JAK1: variants seen among roughly 807,000 people sequenced by gnomAD.
JAK1 encodes tyrosine-protein kinase JAK1.
JAK1 carries 16 observed loss-of-function variants against 136.6 expected under a neutral mutation model. That is an observed-to-expected ratio of 0.12 (90% CI 0.08 to 0.18). JAK1 has a LOEUF of 0.18. JAK1 is among the 10% of genes least tolerant of loss of function. The pLI is 1.00. For missense variants in JAK1, 859 were observed against 1,450.1 expected (o/e 0.59, Z 6.62); for synonymous variants, 492 against 519.5 (o/e 0.95, Z 0.72).
intron 2 of JAK1, chr1:64,992,103 A>C (rs1470759900): frequency 6.6e-6 from 1 of 152,170 alleles, no homozygotes; most frequent in Non-Finnish European, 1.5e-5. Context: ...GATTGTGGCC[A>C]GGCGCATTGG....
intron 1 of JAK1, among the ~76,000 whole-genome samples, chr1:64,953,963 C>A (rs1165689859): frequency 6.6e-6 from 1 of 152,196 alleles, no homozygotes; most frequent in Non-Finnish European, 1.5e-5. Context: ...GCATGAGCGA[C>A]CGCACTCGGC....
At chr1:64,988,904 A>T (rs1646625183) in intron 2 of JAK1, among the ~76,000 whole-genome samples, 4 of 149,144 alleles carry the variant, frequency 2.7e-5, no homozygotes, top group Non-Finnish European at 6.0e-5. Context: ...AATAAAATTT[A>T]AAAATATATA....
chr1:64,923,433 T>G (rs1645530840), intron 1 of JAK1, among the ~76,000 whole-genome samples: 1 of 152,182 alleles, frequency 6.6e-6, no homozygotes, highest in African/African-American at 2.4e-5. Context: ...AAAATCACCC[T>G]TGGAACAGTT....
intron 1 of JAK1, among the ~76,000 whole-genome samples, chr1:64,907,624 C>T (rs1645212301): frequency 6.6e-6 from 1 of 152,038 alleles, no homozygotes; most frequent in Non-Finnish European, 1.5e-5. Flanking sequence ...ATAATATGTA[C>T]AACAAACATG....
chr1:64,834,336 CATT>C lies in JAK1; in HGVS notation c.*223_*225del. On this transcript the variant is annotated 3_prime_UTR_variant, in exon 25 of 25. Transcript: ENST00000342505. Reference sequence around the variant, plus strand: ...AAGTGCTTTCAAATATTTTGGTTGTCATTATGTGTCACTAAGTTACTGGTACCA... The same window carrying C: ...AAGTGCTTTCAAATATTTTGGTTGTCATGTGTCACTAAGTTACTGGTACCA... 5.3e-6 allele frequency: 2 copies of C among 378,184 alleles called. No homozygotes were observed. Among genetic ancestry groups the C allele is most frequent in the Admixed American group, 8.2e-5 (2 of 24,434 alleles). The allele number at this position is 378,184 out of a possible 1,614,324, so 23.4% of individuals were successfully genotyped here. A position where few individuals can be genotyped will look rare whatever the true frequency, so the allele number is the denominator to read the frequency against.
intron 2 of JAK1, among the ~76,000 whole-genome samples, chr1:65,040,199 G>C (rs1380520401): frequency 6.7e-6 from 1 of 149,922 alleles, no homozygotes; most frequent in African/African-American, 2.5e-5. Context: ...TGGGCAACTA[G>C]AGCAAGACCC....
intron 1 of JAK1, among the ~76,000 whole-genome samples, chr1:65,056,923 TAAAAA>T (rs57037539): frequency 3.4e-5 from 4 of 118,748 alleles, no homozygotes; most frequent in Admixed American, 2.8e-4. Context: ...ACTCTTTCTT[TAAAAA>T]AAAAAAAAAA....
chr1:65,060,678 T>C (rs1479550044), intron 1 of JAK1, among the ~76,000 whole-genome samples: 1 of 152,216 alleles, frequency 6.6e-6, no homozygotes, highest in Non-Finnish European at 1.5e-5. Flanking sequence ...TGTGAATGGT[T>C]ACTTAAATTA....
chr1:64,850,825 G>T lies in JAK1; in HGVS notation c.1734C>A (p.Ile578=). The T allele has an allele frequency of 6.2e-7, 1 of 1,613,956 alleles. No individual in the cohort carries two copies. The highest frequency in any genetic ancestry group is 2.2e-5 in the East Asian group (1 of 44,876). The change falls in exon 12 of 25, where the codon ATC becomes ATA. Residue 578 remains isoleucine (I), a synonymous_variant. Coordinates refer to ENST00000342505, the MANE Select transcript of JAK1 (RefSeq NM_002227.4). The part of the protein sequence containing the change: ...YPMSQLSFDR[I]LKKDLVQGEH... Reference sequence around the variant, plus strand: ...TCACCTGCACCAGATCCTTCTTGAGGATCCGATCGAAACTCAGCTGGCTCA... The same window carrying T: ...TCACCTGCACCAGATCCTTCTTGAGTATCCGATCGAAACTCAGCTGGCTCA...
intron 1 of JAK1, among the ~76,000 whole-genome samples, chr1:64,913,641 G>GAGGAAGGGAGGAAAGAAGGAAGGA (rs1645325697): frequency 1.1e-4 from 6 of 56,832 alleles, no homozygotes; most frequent in Non-Finnish European, 1.9e-4. Context: ...GGGAGGAAGG[G>GAGGAAGGGAGGAAAGAAGGAAGGA]AGGAAGGAAG....
In JAK1 at chr1:64,839,578, C is replaced by A. The variant is rs755489935; in HGVS notation, c.2842+25G>T. The stretch of plus-strand genomic sequence containing the variant: ...CTAGACAGTCACCAAATCTTTAAAC[C>A]GGACCCCAGCCTTGCATAACATACC... On this transcript the variant is annotated intron_variant, in intron 20 of 24. Coordinates refer to ENST00000342505, the MANE Select transcript of JAK1 (RefSeq NM_002227.4). The A allele has an allele frequency of 3.7e-6, 6 of 1,603,124 alleles. No homozygotes were observed. The South Asian group carries it at 6.7e-5, about 18-fold the overall frequency.
At chr1:65,049,728 G>T (rs960930436) in intron 1 of JAK1, among the ~76,000 whole-genome samples, 1 of 152,114 alleles carries the variant, frequency 6.6e-6, no homozygotes, top group African/African-American at 2.4e-5. Context: ...ATTCACTGGA[G>T]GCCATGATGT....
chr1:64,961,789 C>G (rs576543211), intron 1 of JAK1, among the ~76,000 whole-genome samples: 1 of 152,170 alleles, frequency 6.6e-6, no homozygotes, highest in Non-Finnish European at 1.5e-5. Context: ...AAGGGCTCCA[C>G]GCAGGAATTA....
At chr1:64,852,701 G>C (rs181547853) in intron 11 of JAK1, among the ~76,000 whole-genome samples, 3 of 152,324 alleles carry the variant, frequency 2.0e-5, no homozygotes, top group African/African-American at 7.2e-5. Context: ...TGTGAATGGG[G>C]GAAGCCACAG....
chr1:64,839,942 T>C lies in JAK1; in HGVS notation c.2650-147A>G, dbSNP rs566653562. 87 of 620,378 alleles carry C rather than the reference T, an allele frequency of 1.4e-4. 1 individual carries two copies. The South Asian group carries it at 1.8e-3, about 13-fold the overall frequency. 38.4% of individuals were successfully genotyped at this position (620,378 alleles called of 1,614,324 possible). On this transcript the variant is annotated intron_variant, in intron 19 of 24. Transcript: ENST00000342505. ...GCAGGCAGAAGCCTCTCACCTGGACTGTACTTGCTCACTACAGCCCCCTCG... is the reference window on the plus strand; with the variant it reads ...GCAGGCAGAAGCCTCTCACCTGGACCGTACTTGCTCACTACAGCCCCCTCG...
intron 2 of JAK1, among the ~76,000 whole-genome samples, chr1:65,032,049 T>G (rs1041237376): frequency 6.7e-6 from 1 of 150,232 alleles, no homozygotes; most frequent in African/African-American, 2.5e-5. Flanking sequence ...CACTGCAACC[T>G]CTGCCTCCTG....
intron 1 of JAK1, among the ~76,000 whole-genome samples, chr1:64,928,778 C>CAAAAAAAAAAAAAAAACAAAAAAAAAA (rs1645627421): frequency 1.6e-5 from 1 of 61,152 alleles, no homozygotes; most frequent in African/African-American, 5.7e-5. Flanking sequence ...TAAAACTCTG[C>CAAAAAAAAAAAAAAAACAAAAAAAAAA]AAAAAAAAAA....
chr1:64,877,031 G>A (rs914574470), intron 4 of JAK1, among the ~76,000 whole-genome samples: 1 of 152,298 alleles, frequency 6.6e-6, no homozygotes, highest in Middle Eastern at 3.4e-3. Context: ...GAATATGGTT[G>A]TCTTATGCTA....
At chr1:64,969,964 T>G (rs1646435444), upstream of JAK1, among the ~76,000 whole-genome samples, 1 of 151,768 alleles carries the variant, frequency 6.6e-6, no homozygotes, top group African/African-American at 2.4e-5. Context: ...GGCAAAACCC[T>G]GTATCTACAA....
Sources: gnomAD v4.1 joint callset for allele counts (sites outside exome capture counted in the v4.1 genomes callset) on GRCh38, gnomAD v4.1.1 for gene constraint, MANE v1.5 for transcripts, NCBI Gene and HGNC (gene_info 2026-07-23, HGNC 2026-07-21) for gene names.